The following OR2T27 variants were observed in gnomAD, a reference collection of about 807,000 sequenced individuals.
OR2T27 encodes the protein olfactory receptor 2T27.
For synonymous variants in OR2T27, 51 were observed against 152.9 expected, an observed-to-expected ratio of 0.33 and a Z score of 4.92; for missense variants, 152 against 397.2, an observed-to-expected ratio of 0.38 and a Z score of 5.25.
Position 248,649,992 on chromosome 1 carries a change from G to A in OR2T27, c.893C>T (p.Thr298Ile), listed in dbSNP as rs199709267. The change falls in exon 2 of 2, where the codon ACA becomes ATA. Residue 298 changes from threonine (T) to isoleucine (I), a missense_variant. Thr to Ile is a moderately conservative substitution (Grantham distance 89, BLOSUM62 -1). Transcript: ENST00000460972. Reference protein sequence around the residue: ...LIYSLRNKDVTGALQKVVGRC... With the variant: ...LIYSLRNKDVIGALQKVVGRC... ...CCCCACAACCTTCTGTAGGGCCCCTGTGACATCCTTGTTCCTAAGGCTGTA... is the reference window on the plus strand; with the variant it reads ...CCCCACAACCTTCTGTAGGGCCCCTATGACATCCTTGTTCCTAAGGCTGTA... 6.8e-5 allele frequency: 108 copies of A among 1,577,408 alleles called. 13 individuals are homozygous for A. Among genetic ancestry groups the A allele is most frequent in the Non-Finnish European group, 9.1e-5 (105 of 1,157,564 alleles).
At chr1:248,652,831 A>G (rs912807421) in intron 1 of OR2T27, among the ~76,000 whole-genome samples, 2 of 150,206 alleles carry the variant, frequency 1.3e-5, no homozygotes, top group African/African-American at 4.9e-5. Flanking sequence ...AGAGCTTTCC[A>G]TCAGCTGATT....
chr1:248,650,006 C>T lies in OR2T27; in HGVS notation c.879G>A (p.Arg293=), dbSNP rs1368582463. 1.9e-6 allele frequency: 3 copies of T among 1,576,032 alleles called. No individual in the cohort carries two copies. Among genetic ancestry groups the T allele is most frequent in the African/African-American group, 1.5e-5 (1 of 68,448 alleles). Residue 293 remains arginine, a synonymous_variant, in exon 2 of 2, where the codon AGG becomes AGA. Coordinates refer to ENST00000460972, the MANE Select transcript of OR2T27 (RefSeq NM_001001824.2). ...GTAGGGCCCCTGTGACATCCTTGTT[C>T]CTAAGGCTGTAAATGAGTGGATTGA... ...PMLNPLIYSL[R]NKDVTGALQK... is the part of the protein sequence containing the mutation.
intron 1 of OR2T27, among the ~76,000 whole-genome samples, chr1:248,653,025 A>T (rs1770080): frequency 1.6e-4 from 8 of 49,698 alleles, no homozygotes; most frequent in Admixed American, 6.3e-4. Flanking sequence ...TCAGAGAATG[A>T]TGGCTACCTA....
chr1:248,652,239 A>G (rs2103116138), intron 1 of OR2T27, among the ~76,000 whole-genome samples: 1 of 151,734 alleles, frequency 6.6e-6, no homozygotes, highest in South Asian at 2.1e-4. Flanking sequence ...AATAGCAGTA[A>G]GAACATTAAT....
At chr1:248,651,956 A>C (rs999977664) in intron 1 of OR2T27, among the ~76,000 whole-genome samples, 3 of 149,636 alleles carry the variant, frequency 2.0e-5, no homozygotes, top group Non-Finnish European at 3.0e-5. Context: ...TAACTTTTAG[A>C]TATATTTGGA....
chr1:248,652,402 C>A (rs558715062), intron 1 of OR2T27, among the ~76,000 whole-genome samples: 1 of 149,340 alleles, frequency 6.7e-6, no homozygotes, highest in South Asian at 2.1e-4. Context: ...TCCAACAGGA[C>A]AAAGTAGACA....
intron 1 of OR2T27, among the ~76,000 whole-genome samples, chr1:248,653,396 C>T (rs569405923): frequency 3.4e-4 from 48 of 142,148 alleles, no homozygotes; most frequent in African/African-American, 1.1e-3. Flanking sequence ...ACTGTCTATG[C>T]ATAATTCCAA....
rs1230952512 is a variant in OR2T27 at position 248,655,326 on chromosome 1, A to T, written c.-5+118T>A. 4 of 137,896 alleles carry T rather than the reference A, an allele frequency of 2.9e-5. 1 individual carries two copies. Among genetic ancestry groups the T allele is most frequent in the Non-Finnish European group, 6.4e-5 (4 of 62,240 alleles). The allele number at this position is 137,896 out of a possible 1,614,324, so 8.5% of individuals were successfully genotyped here. On this transcript the variant is annotated intron_variant, in intron 1 of 1. Coordinates refer to ENST00000460972, the MANE Select transcript of OR2T27 (RefSeq NM_001001824.2). ...CCACAAGTATCTGCAGTTCAAAGTC[A>T]GATGTATCAACTTCAACATTCTCCA...
chr1:248,651,272 C>G (rs1435364301), intron 1 of OR2T27, among the ~76,000 whole-genome samples: 1 of 23,096 alleles, frequency 4.3e-5, no homozygotes, highest in Non-Finnish European at 1.4e-3. Context: ...ACACTGCTCT[C>G]CTTATACTAG....
At chr1:248,652,436 T>C (rs28695302) in intron 1 of OR2T27, among the ~76,000 whole-genome samples, 133,766 of 145,912 alleles carry the variant, frequency 0.92, 62,332 homozygotes, top group East Asian at 1. Context: ...TAAATATTTC[T>C]CAAGAGGCAC....
Position 248,650,354 on chromosome 1 carries a change from G to T in OR2T27, c.531C>A (p.Phe177Leu), listed in dbSNP as rs1313073059. 3.6e-6 allele frequency: 5 copies of T among 1,389,982 alleles called. No homozygotes were observed. The African/African-American group carries it at 7.1e-5, about 20-fold the overall frequency. The allele number at this position is 1,389,982 out of a possible 1,614,324, so 86.1% of individuals were successfully genotyped here. ...TCAGAAGGGCAGGCACCTCGCAGAA[G>T]AAGTGGTTGATCTCCCGAGAGGCAC... ...PFCASREINH[F>L]FCEVPALLKL... is the part of the protein sequence containing the mutation. The change falls in exon 2 of 2, where the codon TTC (phenylalanine) becomes TTA (leucine). Residue 177 changes from phenylalanine (F) to leucine (L), a missense_variant. Transcript: ENST00000460972.
At position 248,651,755 on chromosome 1, in the gene OR2T27, G is replaced by C. The variant is rs1403383350; in HGVS notation, c.-4-867C>G. Among the ~76,000 whole-genome samples the C allele has an allele frequency of 2.9e-5, 2 of 69,204 alleles. 1 individual carries two copies. Among genetic ancestry groups the C allele is most frequent in the Admixed American group, 4.3e-4 (2 of 4,600 alleles). The allele number at this position is 69,204 out of a possible 152,430, so 45.4% of individuals were successfully genotyped here. ...ATTTTACCACAATTTAGGAACACTT[G>C]AGTTATTTGGATAGCTTCTCCCTGC... On this transcript the variant is annotated intron_variant, in intron 1 of 1. Coordinates refer to ENST00000460972, the MANE Select transcript of OR2T27 (RefSeq NM_001001824.2).
rs116125618 is a variant in OR2T27, at chr1:248,649,979, C to T, written c.906G>A (p.Gln302=). ...AGGACACACACCTCCCCACAACCTT[C>T]TGTAGGGCCCCTGTGACATCCTTGT... ...LRNKDVTGAL[Q]KVVGRCVSSG... The change falls in exon 2 of 2, where the codon CAG becomes CAA. Residue 302 remains glutamine (Q), a synonymous_variant. Transcript: ENST00000460972. 0.083 allele frequency: 130,358 copies of T among 1,576,644 alleles called. 18,308 individuals carry two copies. Among genetic ancestry groups the T allele is most frequent in the East Asian group, 0.24 (10,256 of 43,398 alleles).
rs371358750 is a variant in OR2T27 at position 248,655,517 on chromosome 1, T to G, written c.-78A>C. The stretch of plus-strand genomic sequence containing the variant: ...AACCTTACAGAACTAAGGTAGTACA[T>G]GCAATTGTTCAGCATTTCCTTTTAT... On this transcript the variant is annotated 5_prime_UTR_variant, in exon 1 of 2. An upstream start codon of the reference 5' UTR is lost. Coordinates refer to ENST00000460972, the MANE Select transcript of OR2T27 (RefSeq NM_001001824.2). 2 of 94,502 alleles carry G rather than the reference T, an allele frequency of 2.1e-5. 1 individual carries two copies. Among genetic ancestry groups the G allele is most frequent in the African/African-American group, 5.7e-5 (2 of 35,272 alleles). 5.9% of individuals were successfully genotyped at this position (94,502 alleles called of 1,614,324 possible).
At chr1:248,652,500 TCA>T (rs1661042448) in intron 1 of OR2T27, among the ~76,000 whole-genome samples, 4 of 32,348 alleles carry the variant, frequency 1.2e-4, no homozygotes, top group East Asian at 8.3e-3. Context: ...ATGTAAGACA[TCA>T]TCTGTCTTCG....
At chr1:248,651,123 C>CT (rs200604288) in intron 1 of OR2T27, among the ~76,000 whole-genome samples, 5,272 of 79,848 alleles carry the variant, frequency 0.066, 96 homozygotes, top group African/African-American at 0.15. Flanking sequence ...ATCAAACAAT[C>CT]TTTTTGTTCA....
rs766408535 is a variant in OR2T27, at chr1:248,649,987, C to T, written c.898G>A (p.Ala300Thr). The T allele has an allele frequency of 2.0e-5, 31 of 1,578,112 alleles. 4 individuals carry two copies. Among genetic ancestry groups the T allele is most frequent in the Non-Finnish European group, 2.6e-5 (30 of 1,157,776 alleles). ...YSLRNKDVTG[A>T]LQKVVGRCVS... ...CACCTCCCCACAACCTTCTGTAGGGCCCCTGTGACATCCTTGTTCCTAAGG... is the reference window on the plus strand; with the variant it reads ...CACCTCCCCACAACCTTCTGTAGGGTCCCTGTGACATCCTTGTTCCTAAGG... Residue 300 changes from alanine to threonine, a missense_variant, in exon 2 of 2, where the codon GCC (alanine) becomes ACC (threonine). Transcript: ENST00000460972.
intron 1 of OR2T27, among the ~76,000 whole-genome samples, chr1:248,652,134 A>G (rs1661032106): frequency 6.6e-6 from 1 of 150,440 alleles, no homozygotes; most frequent in Admixed American, 6.7e-5. Context: ...CAAGTCCTCC[A>G]GAGTTAAACA....
intron 1 of OR2T27, among the ~76,000 whole-genome samples, chr1:248,653,059 C>T (rs1230897627): frequency 5.2e-5 from 5 of 96,566 alleles, no homozygotes; most frequent in Admixed American, 1.2e-4. Flanking sequence ...ACAGTGACTG[C>T]TATTGGTCCA....
Sources: gnomAD v4.1 joint callset for allele counts (sites outside exome capture counted in the v4.1 genomes callset) on GRCh38, gnomAD v4.1.1 for gene constraint, MANE v1.5 for transcripts, NCBI Gene and HGNC (gene_info 2026-07-23, HGNC 2026-07-21) for gene names.